Variants in HPSE2 observed in about 807,000 individuals in gnomAD.
The protein encoded by HPSE2 is inactive heparanase-2.
In HPSE2, 38 loss-of-function variants were observed where a neutral mutation model predicts 60.5. That is an observed-to-expected ratio of 0.63 (90% CI 0.48 to 0.82). The LOEUF is 0.82. Ranked by LOEUF, HPSE2 falls within the 40% of genes least tolerant of loss-of-function variation. HPSE2 has a pLI of 0.00. For synonymous variants in HPSE2, 295 were observed against 293.2 expected (o/e 1.01, Z -0.06); for missense variants, 713 against 740.4 (o/e 0.96, Z 0.43).
chr10:98,811,779 C>A (rs919101149), intron 3 of HPSE2, among the ~76,000 whole-genome samples: 1 of 152,120 alleles, frequency 6.6e-6, no homozygotes, highest in Non-Finnish European at 1.5e-5. Flanking sequence ...AGACTGACAT[C>A]TTAACAATGT....
chr10:98,642,510 T>C (rs1182908686), intron 6 of HPSE2, among the ~76,000 whole-genome samples: 2 of 152,202 alleles, frequency 1.3e-5, no homozygotes, highest in Non-Finnish European at 2.9e-5. Context: ...ACCTCCAGAA[T>C]GAATGAACAA....
intron 9 of HPSE2, among the ~76,000 whole-genome samples, chr10:98,611,324 G>A (rs1589506335): frequency 6.6e-6 from 1 of 152,116 alleles, no homozygotes; most frequent in African/African-American, 2.4e-5. Flanking sequence ...TGTTGAAATG[G>A]TCCTGCCAGA....
At chr10:98,771,881 A>T (rs1950248883) in intron 3 of HPSE2, among the ~76,000 whole-genome samples, 1 of 152,202 alleles carries the variant, frequency 6.6e-6, no homozygotes, top group South Asian at 2.1e-4. Context: ...AGGTATGTAT[A>T]AAAGAGACTG....
chr10:98,613,972 A>G (rs1945830038), intron 9 of HPSE2, among the ~76,000 whole-genome samples: 1 of 152,206 alleles, frequency 6.6e-6, no homozygotes, highest in Non-Finnish European at 1.5e-5. Context: ...AGACAAACCC[A>G]TATTTCTGCT....
chr10:98,641,986 G>A lies in HPSE2; in HGVS notation c.1005-46C>T, dbSNP rs114062814. 2.8e-3 allele frequency: 4,132 copies of A among 1,501,428 alleles called. 109 individuals are homozygous for A. In the African/African-American group the frequency reaches 0.051, roughly 18 times the overall value. 93.0% of individuals were successfully genotyped at this position (1,501,428 alleles called of 1,614,324 possible). ...GAATCAGATAAAATCTCAAGCAAGG[G>A]ATTATAAATACACTTCTCTAGCCCA... On this transcript the variant is annotated intron_variant, in intron 6 of 11. Transcript: ENST00000370552.
At chr10:98,557,162 G>C (rs1327282543) in intron 9 of HPSE2, among the ~76,000 whole-genome samples, 6 of 151,968 alleles carry the variant, frequency 3.9e-5, no homozygotes, top group African/African-American at 7.3e-5. Flanking sequence ...GCAGTGAGCC[G>C]AGATCGCACC....
chr10:98,694,216 T>C (rs895445585), intron 5 of HPSE2, among the ~76,000 whole-genome samples: 1 of 152,132 alleles, frequency 6.6e-6, no homozygotes, highest in Non-Finnish European at 1.5e-5. Context: ...ACATCTGTCT[T>C]CCCAAGCCCA....
intron 9 of HPSE2, among the ~76,000 whole-genome samples, chr10:98,536,378 T>G (rs1405869072): frequency 3.3e-5 from 5 of 152,204 alleles, no homozygotes; most frequent in African/African-American, 4.8e-5. Context: ...AAACTGCTAA[T>G]GAAGCAGGGC....
intron 3 of HPSE2, among the ~76,000 whole-genome samples, chr10:99,132,193 G>GAAAGAAAGAAAA (rs1462262867): frequency 7.5e-5 from 1 of 13,418 alleles, no homozygotes; most frequent in African/African-American, 1.6e-4. Flanking sequence ...AAGAAAGAAA[G>GAAAGAAAGAAAA]AGAGAGAGAG....
chr10:98,482,282 T>C (rs10748732), intron 11 of HPSE2, among the ~76,000 whole-genome samples: 39,957 of 152,048 alleles, frequency 0.26, 5,635 homozygotes, highest in East Asian at 0.61. Context: ...GTTTGGTTGC[T>C]ACATGACCAT....
intron 3 of HPSE2, among the ~76,000 whole-genome samples, chr10:98,885,848 C>A (rs941496050): frequency 6.6e-5 from 10 of 151,946 alleles, no homozygotes; most frequent in Non-Finnish European, 1.2e-4. Flanking sequence ...GGTCTAGGAC[C>A]AAACCTGTGT....
intron 9 of HPSE2, among the ~76,000 whole-genome samples, chr10:98,504,614 G>C (rs1331735643): frequency 2.0e-5 from 3 of 151,940 alleles, no homozygotes; most frequent in African/African-American, 7.3e-5. Flanking sequence ...ATGAAACCTC[G>C]TCTCTACTAA....
At chr10:98,940,655 C>CAAG (rs1422836081) in intron 3 of HPSE2, among the ~76,000 whole-genome samples, 1 of 136,848 alleles carries the variant, frequency 7.3e-6, no homozygotes, top group Non-Finnish European at 1.5e-5. Flanking sequence ...ACCAGAGGTA[C>CAAG]AAGGAGGAAC....
intron 2 of HPSE2, among the ~76,000 whole-genome samples, chr10:99,198,215 C>T (rs566352166): frequency 3.3e-5 from 5 of 152,212 alleles, no homozygotes; most frequent in South Asian, 2.1e-4. Context: ...ACAACTCACA[C>T]GTTTCTGAAT....
intron 3 of HPSE2, among the ~76,000 whole-genome samples, chr10:98,769,836 T>A (rs188447956): frequency 6.6e-6 from 1 of 152,194 alleles, no homozygotes; most frequent in East Asian, 1.9e-4. Context: ...ACCAGCAGAC[T>A]ATCAACATGG....
chr10:99,222,056 A>G (rs996682874), intron 2 of HPSE2, among the ~76,000 whole-genome samples: 1 of 152,172 alleles, frequency 6.6e-6, no homozygotes, highest in Non-Finnish European at 1.5e-5. Context: ...CAAGGGAAAC[A>G]ACAATAATTA....
At chr10:99,232,268 C>CACACGAACACACAGAT in intron 2 of HPSE2, 80 bp downstream of exon 2, 1 of 1,466,038 alleles carries the variant, frequency 6.8e-7, no homozygotes, top group Non-Finnish European at 9.3e-7. Context: ...AACACACAGA[C>CACACGAACACACAGAT]ACACGAACAC....
the HPSE2 span, among the ~76,000 whole-genome samples, chr10:99,300,501 A>G: frequency 1.3e-5 from 2 of 152,046 alleles, no homozygotes; most frequent in Non-Finnish European, 2.9e-5. Context: ...AAATTAGGAG[A>G]TTCACTCACC....
At chr10:98,927,309 T>C (rs1252942298) in intron 3 of HPSE2, among the ~76,000 whole-genome samples, 2 of 152,120 alleles carry the variant, frequency 1.3e-5, no homozygotes, top group Non-Finnish European at 2.9e-5. Flanking sequence ...TGCATATATA[T>C]TTAAACCACT....
Sources: allele counts gnomAD v4.1 joint callset (sites outside exome capture counted in the v4.1 genomes callset), GRCh38; gene constraint gnomAD v4.1.1; transcripts MANE v1.5; gene names NCBI Gene and HGNC (gene_info 2026-07-23, HGNC 2026-07-21).